DENND5B: variants seen among roughly 807,000 people sequenced by gnomAD.
DENND5B encodes the protein DENN domain-containing protein 5B.
DENND5B carries 34 observed loss-of-function variants against 140.6 expected under a neutral mutation model. That is an observed-to-expected ratio of 0.24 (90% CI 0.18 to 0.32). The LOEUF (loss-of-function observed/expected upper bound fraction) is 0.32. Ranked by LOEUF, DENND5B falls within the 10% of genes least tolerant of loss-of-function variation. The pLI is 1.00. For missense variants in DENND5B, 1,142 were observed against 1,560.2 expected, an observed-to-expected ratio of 0.73 and a Z score of 4.52; for synonymous variants, 551 against 562.1, an observed-to-expected ratio of 0.98 and a Z score of 0.28.
chr12:31,452,293 T>C lies in DENND5B; in HGVS notation c.1276A>G (p.Lys426Glu), dbSNP rs770176623. 1 of 1,613,978 alleles carries C rather than the reference T, an allele frequency of 6.2e-7. No individual in the cohort carries two copies. Among genetic ancestry groups the C allele is most frequent in the Non-Finnish European group, 8.5e-7 (1 of 1,179,886 alleles). ...STSKLKNMVL[K>E]DLVNDKKNGN... ...TTCTTTTTGTCATTGACCAAGTCTT[T>C]CAGAACCATATTCTTCAGTTTGCTG... The change falls in exon 5 of 21, where the codon AAA (lysine) becomes GAA (glutamate). Residue 426 changes from lysine (K) to glutamate (E), a missense_variant. Coordinates refer to ENST00000389082, the MANE Select transcript of DENND5B (RefSeq NM_144973.4).
intron 1 of DENND5B, among the ~76,000 whole-genome samples, chr12:31,583,709 A>AAACG: frequency 7.5e-6 from 1 of 132,750 alleles, no homozygotes; most frequent in South Asian, 2.6e-4. Flanking sequence ...AAAAACAAAC[A>AAACG]ACAACAACAA....
Position 31,542,996 on chromosome 12 carries a change from C to CA in DENND5B, c.128-47078dup, listed in dbSNP as rs1645421288. On this transcript the variant is annotated intron_variant, in intron 1 of 20. Coordinates refer to ENST00000389082, the MANE Select transcript of DENND5B (RefSeq NM_144973.4). ...TACTGAAAAAAATGTTGTAGTGAGA[C>CA]AAAAAAGGTTTTTTTGGTAGACAAC... is the stretch of plus-strand genomic sequence containing the variant. 4.6e-5 allele frequency among the ~76,000 whole-genome samples: 7 copies of CA among 152,018 alleles called. No individual in the cohort carries two copies. In the South Asian group the frequency reaches 1.2e-3, roughly 27 times the overall value.
At chr12:31,583,293 T>TA (rs1200459160) in intron 1 of DENND5B, among the ~76,000 whole-genome samples, 1,308 of 110,512 alleles carry the variant, frequency 0.012, 10 homozygotes, top group African/African-American at 0.031. Context: ...CTCAGTCTTT[T>TA]AAAAAAAAAA....
intron 1 of DENND5B, among the ~76,000 whole-genome samples, chr12:31,538,555 C>T (rs528358356): frequency 5.9e-5 from 9 of 152,134 alleles, no homozygotes; most frequent in Admixed American, 5.9e-4. Flanking sequence ...AAACCAAACC[C>T]CAAATTAGTA....
chr12:31,388,662 G>A (rs1447331201), intron 20 of DENND5B, among the ~76,000 whole-genome samples: 1 of 152,104 alleles, frequency 6.6e-6, no homozygotes. Context: ...CTAAAGGTCT[G>A]TATGTTTCAT....
chr12:31,478,650 A>G (rs1945930740), intron 3 of DENND5B, among the ~76,000 whole-genome samples: 1 of 152,106 alleles, frequency 6.6e-6, no homozygotes. Flanking sequence ...GCAGTGACCC[A>G]TGATTGCACT....
At chr12:31,557,814 CAAAAAAAAAAAAA>C (rs71445804) in intron 1 of DENND5B, among the ~76,000 whole-genome samples, 1 of 80,978 alleles carries the variant, frequency 1.2e-5, no homozygotes, top group Non-Finnish European at 2.4e-5. Flanking sequence ...GCTGTGGTGG[CAAAAAAAAAAAAA>C]AAAAAAAAAA....
In DENND5B at chr12:31,494,165, TATCTATCTATCTATCTATCCATCC is replaced by T. The variant is rs1356566715; in HGVS notation, c.237+1621_237+1644del. Among the ~76,000 whole-genome samples the T allele has an allele frequency of 8.6e-3, 618 of 72,270 alleles. 7 individuals carry two copies. The highest frequency in any genetic ancestry group is 0.03 in the African/African-American group (568 of 18,806). 47.4% of individuals were successfully genotyped at this position (72,270 alleles called of 152,430 possible). On this transcript the variant is annotated intron_variant, in intron 2 of 20. Transcript: ENST00000389082. ...CTATCTATCTATCTATCTATCTATCTATCTATCTATCTATCTATCCATCCATCCATCCATCCACCTACCTACCTA... is the reference window on the plus strand; with the variant it reads ...CTATCTATCTATCTATCTATCTATCTATCCATCCATCCACCTACCTACCTA...
Position 31,583,680 on chromosome 12 carries a change from AAAAAAC to A in DENND5B, c.127+7020_127+7025del, listed in dbSNP as rs138197353. ...GCAACAGAGCAAGACTGTGTCTGGG[AAAAAAC>A]AAAAACAAAAACAAAAACAAACAAC... On this transcript the variant is annotated intron_variant, in intron 1 of 20. Coordinates refer to ENST00000389082, the MANE Select transcript of DENND5B (RefSeq NM_144973.4). Among the ~76,000 whole-genome samples the A allele has an allele frequency of 2.8e-3, 416 of 150,434 alleles. 5 individuals carry two copies. The highest frequency in any genetic ancestry group is 8.6e-3 in the African/African-American group (355 of 41,048).
chr12:31,501,915 G>T (rs1037735114), intron 1 of DENND5B, among the ~76,000 whole-genome samples: 2 of 152,030 alleles, frequency 1.3e-5, no homozygotes, highest in Non-Finnish European at 2.9e-5. Context: ...GTGTGTGTGG[G>T]GTGAGGCAAG....
Position 31,497,150 on chromosome 12 carries a change from C to T in DENND5B, c.128-1231G>A, listed in dbSNP as rs991809746. Among the ~76,000 whole-genome samples, 7 of 149,322 alleles carry T rather than the reference C, an allele frequency of 4.7e-5. No homozygotes were observed. The South Asian group carries it at 6.4e-4, about 14-fold the overall frequency. On this transcript the variant is annotated intron_variant, in intron 1 of 20. Coordinates refer to ENST00000389082, the MANE Select transcript of DENND5B (RefSeq NM_144973.4). ...GAATGCAAAACAGATCGCAGAAGGA[C>T]GAAAAAGTCACACTCAAAAATCTTG...
rs149244851 is a variant in DENND5B at position 31,528,662 on chromosome 12, T to C, written c.128-32743A>G. ...AAAGCGTGCAAGGCTTTTGAGAGAC[T>C]GCACTGTCAACTGACAAAGGGAAGA... is the stretch of plus-strand genomic sequence containing the variant. On this transcript the variant is annotated intron_variant, in intron 1 of 20. Coordinates refer to ENST00000389082, the MANE Select transcript of DENND5B (RefSeq NM_144973.4). 1.9e-4 allele frequency among the ~76,000 whole-genome samples: 29 copies of C among 152,306 alleles called. No homozygotes were observed. The East Asian group carries it at 5.4e-3, about 28-fold the overall frequency.
intron 8 of DENND5B, chr12:31,432,288 A>G (rs1441730958): frequency 1.8e-5 from 3 of 169,486 alleles, no homozygotes; most frequent in African/African-American, 2.4e-5. Flanking sequence ...CAGTAGCCGG[A>G]AAAAAAAAAG....
intron 1 of DENND5B, among the ~76,000 whole-genome samples, chr12:31,579,428 G>A (rs1044406603): frequency 3.3e-5 from 5 of 152,074 alleles, no homozygotes; most frequent in African/African-American, 9.7e-5. Flanking sequence ...TTGGGTAGCC[G>A]AGGGGGGTGA....
rs1006879058 is a variant in DENND5B, at chr12:31,392,261, A to T, written c.3466+6T>A. ...CCTTAATGTAATACACATCTACTTT[A>T]TTTACCTATGAAGTCCCAGATGAAG... On this transcript the variant is annotated splice_donor_region_variant and intron_variant, in intron 19 of 20. Coordinates refer to ENST00000389082, the MANE Select transcript of DENND5B (RefSeq NM_144973.4). The T allele has an allele frequency of 6.2e-7, 1 of 1,613,616 alleles. No homozygotes were observed. Among genetic ancestry groups the T allele is most frequent in the African/African-American group, 1.3e-5 (1 of 74,884 alleles).
chr12:31,583,264 C>T (rs1351936181), intron 1 of DENND5B, among the ~76,000 whole-genome samples: 1 of 149,606 alleles, frequency 6.7e-6, no homozygotes, highest in Non-Finnish European at 1.5e-5. Flanking sequence ...TGCGCTCCAG[C>T]CTGGGCGACA....
intron 9 of DENND5B, 141 bp downstream of exon 9, chr12:31,426,152 A>G: frequency 4.5e-6 from 4 of 898,404 alleles, no homozygotes; most frequent in Non-Finnish European, 4.8e-6. Context: ...CCGAGTAAAG[A>G]GCACATGAGG....
In DENND5B at chr12:31,415,662, C is replaced by T. The variant is rs149389509; in HGVS notation, c.2471-214G>A. Among the ~76,000 whole-genome samples, 1,406 of 152,244 alleles carry T rather than the reference C, an allele frequency of 9.2e-3. 10 individuals are homozygous for T. The highest frequency in any genetic ancestry group is 0.015 in the Non-Finnish European group (1,053 of 68,008). On this transcript the variant is annotated intron_variant, in intron 11 of 20. Transcript: ENST00000389082. ...GCAGTGGCATGATCGTGGCTCACTG[C>T]AGCCTCAACCTCCTGGGCTCAAGCG...
chr12:31,584,529 G>C (rs1022125691), intron 1 of DENND5B, among the ~76,000 whole-genome samples: 1 of 152,172 alleles, frequency 6.6e-6, no homozygotes, highest in Non-Finnish European at 1.5e-5. Flanking sequence ...AAGAAATGGC[G>C]CAGCCAGGCA....
Sources: allele counts gnomAD v4.1 joint callset (sites outside exome capture counted in the v4.1 genomes callset), GRCh38; gene constraint gnomAD v4.1.1; transcripts MANE v1.5; gene names NCBI Gene and HGNC (gene_info 2026-07-23, HGNC 2026-07-21).